Variants in CDH12 observed in about 807,000 individuals in gnomAD.
The protein encoded by CDH12 is cadherin 12, also known as cadherin-12.
Under a neutral mutation model 74.1 loss-of-function variants are expected in CDH12, and 41 were observed. The ratio of observed to expected loss-of-function variants is 0.55; its 90% CI spans 0.43 to 0.72. The LOEUF (loss-of-function observed/expected upper bound fraction) is 0.72, where lower values mean the gene tolerates loss of function less well. CDH12 is among the 30% of genes least tolerant of loss of function. The pLI, the probability that CDH12 is intolerant of heterozygous loss-of-function variation, is 0.00. For missense variants in CDH12, 945 were observed against 977.2 expected (o/e 0.97, Z 0.44); for synonymous variants, 399 against 355.0 (o/e 1.12, Z -1.39).
chr5:22,797,893 T>C (rs748153626), intron 1 of CDH12, among the ~76,000 whole-genome samples: 7 of 152,206 alleles, frequency 4.6e-5, no homozygotes, highest in Non-Finnish European at 8.8e-5. Flanking sequence ...CCCTGACTCA[T>C]AGTGTTGCTT....
At chr5:21,781,223 C>T (rs116673620) in intron 11 of CDH12, among the ~76,000 whole-genome samples, 1,567 of 152,170 alleles carry the variant, frequency 0.01, 26 homozygotes, top group African/African-American at 0.033. Context: ...ATTGAGAAAC[C>T]GTGCTGTCAA....
intron 1 of CDH12, among the ~76,000 whole-genome samples, chr5:22,564,541 T>C (rs1004645178): frequency 1.3e-5 from 2 of 152,240 alleles, no homozygotes; most frequent in Non-Finnish European, 2.9e-5. Flanking sequence ...CCTCTTTTTG[T>C]GTGTGCCTGA....
intron 4 of CDH12, among the ~76,000 whole-genome samples, chr5:22,096,407 G>A (rs998756117): frequency 1.3e-4 from 19 of 151,840 alleles, no homozygotes; most frequent in Middle Eastern, 3.4e-3. Context: ...CTTCCCTCCC[G>A]CCGGTCCCCT....
chr5:22,830,136 G>T (rs1018165951), intron 1 of CDH12, among the ~76,000 whole-genome samples: 11 of 152,084 alleles, frequency 7.2e-5, no homozygotes, highest in African/African-American at 2.4e-4. Context: ...AATAAACCTG[G>T]CTAATTAATC....
intron 4 of CDH12, among the ~76,000 whole-genome samples, chr5:22,171,790 T>C (rs1338925343): frequency 6.6e-6 from 1 of 151,928 alleles, no homozygotes; most frequent in East Asian, 1.9e-4. Context: ...GTATTGTGTT[T>C]ATCCCTTTGC....
chr5:21,852,357 A>G lies in CDH12; in HGVS notation c.646+2314T>C, dbSNP rs1363573887. On this transcript the variant is annotated intron_variant, in intron 7 of 14. Coordinates refer to ENST00000382254, the MANE Select transcript of CDH12 (RefSeq NM_004061.5). ...CTAAATAATAAACATTATATAAAAT[A>G]TAAATACAAAATTATAAAAGTTACA... 7.3e-5 allele frequency among the ~76,000 whole-genome samples: 11 copies of G among 151,424 alleles called. 1 individual carries two copies. Among genetic ancestry groups the G allele is most frequent in the Non-Finnish European group, 1.5e-5 (1 of 67,572 alleles).
chr5:22,107,202 G>A (rs1474910201), intron 4 of CDH12, among the ~76,000 whole-genome samples: 2 of 150,682 alleles, frequency 1.3e-5, no homozygotes, highest in African/African-American at 2.4e-5. Flanking sequence ...TCACGATCTC[G>A]GCTCACTGCA....
chr5:22,107,323 A>C (rs943322207), intron 4 of CDH12, among the ~76,000 whole-genome samples: 2 of 151,226 alleles, frequency 1.3e-5, no homozygotes, highest in Non-Finnish European at 2.9e-5. Flanking sequence ...GTAGAGATAG[A>C]GTTTTACTAT....
At chr5:22,530,906 A>G (rs995488471) in intron 1 of CDH12, among the ~76,000 whole-genome samples, 6 of 151,716 alleles carry the variant, frequency 4.0e-5, no homozygotes, top group Non-Finnish European at 7.4e-5. Context: ...TACAGAACTT[A>G]CATATTTCCT....
At chr5:22,653,041 AC>A (rs1182983978) in intron 1 of CDH12, among the ~76,000 whole-genome samples, 1 of 152,184 alleles carries the variant, frequency 6.6e-6, no homozygotes, top group East Asian at 1.9e-4. Context: ...ATAAACATCC[AC>A]CAAATGGGAC....
intron 6 of CDH12, among the ~76,000 whole-genome samples, chr5:21,973,784 A>G (rs1756953013): frequency 6.6e-6 from 1 of 152,198 alleles, no homozygotes; most frequent in Non-Finnish European, 1.5e-5. Context: ...TAAAATCAAG[A>G]CACCGTTAAA....
At chr5:22,218,949 C>T (rs986625430) in intron 3 of CDH12, among the ~76,000 whole-genome samples, 2 of 151,710 alleles carry the variant, frequency 1.3e-5, no homozygotes, top group Non-Finnish European at 3.0e-5. Context: ...CAGCATTTCC[C>T]ATTCAATCAT....
intron 6 of CDH12, among the ~76,000 whole-genome samples, chr5:21,932,548 G>A (rs771938676): frequency 6.6e-6 from 1 of 152,024 alleles, no homozygotes; most frequent in African/African-American, 2.4e-5. Flanking sequence ...TGTTTTCACT[G>A]TCTTGTCTGT....
At chr5:21,927,306 C>T (rs559808446) in intron 6 of CDH12, among the ~76,000 whole-genome samples, 37 of 152,222 alleles carry the variant, frequency 2.4e-4, no homozygotes, top group Admixed American at 6.5e-4. Flanking sequence ...ATAAATCAGG[C>T]CGGGCACGGT....
intron 2 of CDH12, among the ~76,000 whole-genome samples, chr5:22,457,888 G>T (rs889976462): frequency 6.6e-6 from 1 of 152,236 alleles, no homozygotes; most frequent in Non-Finnish European, 1.5e-5. Flanking sequence ...GGGATTACAG[G>T]TGCCCGCCAC....
chr5:22,595,901 C>T (rs1736577434), intron 1 of CDH12, among the ~76,000 whole-genome samples: 1 of 151,484 alleles, frequency 6.6e-6, no homozygotes, highest in South Asian at 2.1e-4. Context: ...CACGGTGAAA[C>T]CCCGTCTCTA....
At chr5:21,769,731 T>C (rs890243919) in intron 11 of CDH12, among the ~76,000 whole-genome samples, 2 of 152,148 alleles carry the variant, frequency 1.3e-5, no homozygotes, top group East Asian at 1.9e-4. Context: ...TATAAACTTA[T>C]AGTTCTCATG....
At chr5:22,050,738 T>C (rs1740299997) in intron 5 of CDH12, among the ~76,000 whole-genome samples, 1 of 152,190 alleles carries the variant, frequency 6.6e-6, no homozygotes, top group South Asian at 2.1e-4. Flanking sequence ...AATTACAGTC[T>C]GTTCTCAATA....
intron 4 of CDH12, among the ~76,000 whole-genome samples, chr5:22,100,691 A>T (rs940198713): frequency 1.5e-4 from 22 of 151,254 alleles, no homozygotes; most frequent in African/African-American, 4.9e-4. Context: ...ACACACATAC[A>T]CTCTTTTATT....
Sources: gnomAD v4.1 joint callset for allele counts (sites outside exome capture counted in the v4.1 genomes callset) on GRCh38, gnomAD v4.1.1 for gene constraint, MANE v1.5 for transcripts, NCBI Gene and HGNC (gene_info 2026-07-23, HGNC 2026-07-21) for gene names.